Variants in MYO18B observed in about 807,000 individuals in gnomAD.
MYO18B encodes unconventional myosin-XVIIIb.
In MYO18B, 204 loss-of-function variants were observed where a neutral mutation model predicts 273.0. The observed-to-expected ratio is 0.75, with a 90% confidence interval of 0.67 to 0.84. The LOEUF (loss-of-function observed/expected upper bound fraction) is 0.84. Ranked by LOEUF, MYO18B falls within the 40% of genes least tolerant of loss-of-function variation. The pLI is 0.00. For synonymous variants in MYO18B, 1,330 were observed against 1,305.7 expected, an observed-to-expected ratio of 1.02 and a Z score of -0.40; for missense variants, 3,212 against 3,287.6, an observed-to-expected ratio of 0.98 and a Z score of 0.56.
intron 21 of MYO18B, among the ~76,000 whole-genome samples, chr22:25,858,436 A>G (rs1469928776): frequency 6.6e-6 from 1 of 152,246 alleles, no homozygotes; most frequent in Non-Finnish European, 1.5e-5. Context: ...CAGATTCTTC[A>G]TATCAAACTG....
chr22:26,060,738 A>T, the MYO18B span, among the ~76,000 whole-genome samples: 42 of 152,154 alleles, frequency 2.8e-4, no homozygotes, highest in East Asian at 7.3e-3. Flanking sequence ...ATGCACACAT[A>T]TATACATATA....
chr22:26,001,825 G>A (rs138580020), intron 40 of MYO18B, among the ~76,000 whole-genome samples: 15 of 152,350 alleles, frequency 9.8e-5, no homozygotes, highest in Non-Finnish European at 1.2e-4. Flanking sequence ...GAGTCCACCC[G>A]TGGGGCTAGT....
chr22:26,006,462 C>T (rs1432834537), intron 42 of MYO18B: 1 of 316,210 alleles, frequency 3.2e-6, no homozygotes, highest in Non-Finnish European at 6.5e-6. Context: ...AATCAGTGTT[C>T]TGGCTGCTTC....
At chr22:25,952,087 G>A (rs1362193777) in intron 37 of MYO18B, among the ~76,000 whole-genome samples, 199 bp from the exon 38 acceptor site, 11 of 152,192 alleles carry the variant, frequency 7.2e-5, no homozygotes, top group Admixed American at 7.2e-4. Flanking sequence ...ATCAGGGTCT[G>A]GTGTGAGGGT....
At chr22:25,946,456 C>T (rs893456975) in intron 35 of MYO18B, among the ~76,000 whole-genome samples, 7 of 151,998 alleles carry the variant, frequency 4.6e-5, no homozygotes, top group South Asian at 2.1e-4. Flanking sequence ...TTATTGTAGA[C>T]CTACTAGGTG....
At chr22:25,994,952 CAT>C (rs1252992121) in intron 40 of MYO18B, among the ~76,000 whole-genome samples, 6 of 152,250 alleles carry the variant, frequency 3.9e-5, no homozygotes, top group African/African-American at 1.2e-4. Context: ...GTTAAGTAAA[CAT>C]AACCAAATTG....
chr22:26,050,039 A>G, the MYO18B span, among the ~76,000 whole-genome samples: 1 of 152,236 alleles, frequency 6.6e-6, no homozygotes. Flanking sequence ...TCTTACAAGC[A>G]ATGCCCTCAG....
intron 17 of MYO18B, among the ~76,000 whole-genome samples, chr22:25,841,275 A>G (rs1463494913): frequency 1.3e-5 from 2 of 152,142 alleles, no homozygotes; most frequent in Non-Finnish European, 2.9e-5. Flanking sequence ...GCTGTGAGAG[A>G]GATATGCTGG....
At position 25,969,432 on chromosome 22, in the gene MYO18B, G is replaced by A. The variant is rs531696798; in HGVS notation, c.6156+14068G>A. Among the ~76,000 whole-genome samples, 5 of 152,246 alleles carry A rather than the reference G, an allele frequency of 3.3e-5. 1 individual carries two copies. The South Asian group carries it at 1.0e-3, about 32-fold the overall frequency. The stretch of plus-strand genomic sequence containing the variant: ...CATAAAATACAGCTTGATAACCTAT[G>A]GTCAGATCTGGCTGCTGTCCTGATT... On this transcript the variant is annotated intron_variant, in intron 39 of 43. Coordinates refer to ENST00000335473, the MANE Select transcript of MYO18B (RefSeq NM_032608.7).
Position 25,768,117 on chromosome 22 carries a change from C to G in MYO18B, c.201C>G (p.Ile67Met). Residue 67 changes from isoleucine to methionine, a missense_variant and splice_region_variant, in exon 4 of 44, where the codon ATC becomes ATG. Physicochemically the swap from Ile to Met is conservative, Grantham distance 10. Coordinates refer to ENST00000335473, the MANE Select transcript of MYO18B (RefSeq NM_032608.7). Reference sequence around the variant, plus strand: ...CATGGTTGTGTTCTTTCTCCCAGATCCCAGAAATTTCCATCAGCCAACCCA... The same window carrying G: ...CATGGTTGTGTTCTTTCTCCCAGATGCCAGAAATTTCCATCAGCCAACCCA... ...QLAVASPERE[I>M]PEISISQPNS... The G allele has an allele frequency of 6.3e-7, 1 of 1,591,260 alleles. No individual in the cohort carries two copies. The highest frequency in any genetic ancestry group is 8.6e-7 in the Non-Finnish European group (1 of 1,167,888).
At chr22:25,958,136 A>C (rs2092876073) in intron 39 of MYO18B, among the ~76,000 whole-genome samples, 1 of 152,062 alleles carries the variant, frequency 6.6e-6, no homozygotes, top group Admixed American at 6.6e-5. Context: ...GCTAGTCTCG[A>C]ACCCCTGACC....
chr22:25,834,898 C>T lies in MYO18B; in HGVS notation c.3061-398C>T, dbSNP rs147613051. 9.4e-4 allele frequency among the ~76,000 whole-genome samples: 143 copies of T among 152,308 alleles called. 1 individual carries two copies. The highest frequency in any genetic ancestry group is 3.3e-3 in the African/African-American group (139 of 41,568). On this transcript the variant is annotated intron_variant, in intron 16 of 43. Transcript: ENST00000335473. Reference sequence around the variant, plus strand: ...GATACAGACAGAATTAATCCTTTCTCGTTTGTGCACAAATAGACCAGCTGC... The same window carrying T: ...GATACAGACAGAATTAATCCTTTCTTGTTTGTGCACAAATAGACCAGCTGC...
At chr22:25,857,653 A>G (rs953208515) in intron 21 of MYO18B, among the ~76,000 whole-genome samples, 1 of 151,876 alleles carries the variant, frequency 6.6e-6, no homozygotes, top group Non-Finnish European at 1.5e-5. Context: ...GTTTGGGTCT[A>G]TTGTTTTGTT....
chr22:26,027,418 C>T lies in MYO18B; in HGVS notation c.7444C>T (p.Arg2482Cys), dbSNP rs780706076. ...SIHFETEEAN[R>C]SFLSGIKTIL... Reference sequence around the variant, plus strand: ...CCACTTTGAAACGGAAGAGGCTAACCGTTCCTTTCTCTCGGGGATCAAGAC... The same window carrying T: ...CCACTTTGAAACGGAAGAGGCTAACTGTTCCTTTCTCTCGGGGATCAAGAC... Residue 2482 changes from arginine (R) to cysteine (C), a missense_variant, in exon 43 of 44, where the codon CGT becomes TGT. Arg to Cys is a radical substitution (Grantham distance 180, BLOSUM62 -3). Transcript: ENST00000335473. The surrounding 1 kb of genome is among the most constrained non-coding windows in gnomAD (Gnocchi z 4.1). 6.2e-6 allele frequency: 10 copies of T among 1,613,962 alleles called. No homozygotes were observed. The highest frequency in any genetic ancestry group is 1.3e-5 in the African/African-American group (1 of 75,036).
chr22:25,973,081 T>A (rs979820418), intron 39 of MYO18B, among the ~76,000 whole-genome samples: 1 of 152,186 alleles, frequency 6.6e-6, no homozygotes, highest in Non-Finnish European at 1.5e-5. Flanking sequence ...TGCTTCTAGA[T>A]CTTGTTTCTG....
intron 12 of MYO18B, among the ~76,000 whole-genome samples, chr22:25,813,075 C>G (rs1033476305): frequency 4.6e-5 from 7 of 150,674 alleles, no homozygotes; most frequent in Non-Finnish European, 1.0e-4. Flanking sequence ...CCTTCTTTCT[C>G]TCCCCTCCCC....
At chr22:26,000,772 A>G (rs1408605535) in intron 40 of MYO18B, among the ~76,000 whole-genome samples, 1 of 152,172 alleles carries the variant, frequency 6.6e-6, no homozygotes, top group Non-Finnish European at 1.5e-5. Flanking sequence ...GGTAGGAAGC[A>G]TGGGGTCCAG....
At chr22:25,779,743 G>A (rs962931765) in intron 8 of MYO18B, among the ~76,000 whole-genome samples, 1 of 152,000 alleles carries the variant, frequency 6.6e-6, no homozygotes, top group Non-Finnish European at 1.5e-5. Context: ...ATTAGGTCTG[G>A]GAAGCCCTAG....
chr22:25,891,377 A>C lies in MYO18B; in HGVS notation c.4508A>C (p.Gln1503Pro). The C allele has an allele frequency of 6.3e-7, 1 of 1,585,692 alleles. No individual in the cohort carries two copies. Among genetic ancestry groups the C allele is most frequent in the South Asian group, 1.2e-5 (1 of 86,144 alleles). Residue 1503 changes from glutamine (Q) to proline (P), a missense_variant, in exon 27 of 44, where the codon CAG becomes CCG. Transcript: ENST00000335473. ...TTGGAAGAAGCCCAGCAGAAAATTCAGTTGAATGACTTGGAAAGGAATCCC... is the reference window on the plus strand; with the variant it reads ...TTGGAAGAAGCCCAGCAGAAAATTCCGTTGAATGACTTGGAAAGGAATCCC... ...KQLEEAQQKI[Q>P]LNDLERNPTG...
Sources: allele counts gnomAD v4.1 joint callset (sites outside exome capture counted in the v4.1 genomes callset), GRCh38; gene constraint gnomAD v4.1.1; non-coding constraint Gnocchi (gnomAD v3.1); transcripts MANE v1.5; gene names NCBI Gene and HGNC (gene_info 2026-07-23, HGNC 2026-07-21).